Variants in RBFOX1 observed in about 807,000 individuals in gnomAD.
RBFOX1 encodes the protein RNA binding fox-1 homolog 1.
Under a neutral mutation model 57.7 loss-of-function variants are expected in RBFOX1, and 8 were observed. The ratio of observed to expected loss-of-function variants is 0.14; its 90% CI spans 0.08 to 0.25. RBFOX1 has a LOEUF of 0.25. RBFOX1 is among the 10% of genes least tolerant of loss of function. The probability of loss-of-function intolerance (pLI) is 1.00; values close to 1 mark genes in which losing one functional copy is unlikely to be tolerated. For synonymous variants in RBFOX1, 326 were observed against 222.4 expected, an observed-to-expected ratio of 1.47 and a Z score of -4.15; for missense variants, 611 against 548.5, an observed-to-expected ratio of 1.11 and a Z score of -1.14.
intron 1 of RBFOX1, among the ~76,000 whole-genome samples, chr16:5,437,194 G>C (rs143422694): frequency 6.6e-6 from 1 of 152,302 alleles, no homozygotes; most frequent in African/African-American, 2.4e-5. Context: ...AGATATCATA[G>C]GAAAGAAGTG....
rs905144208 is a variant in RBFOX1 at position 7,708,181 on chromosome 16, TAAAAAATC to T, written c.996-872_996-865del. On this transcript the variant is annotated intron_variant, in intron 14 of 15. Transcript: ENST00000550418. Reference sequence around the variant, plus strand: ...TAGCAAGACTTTGTCTCCCCCCTCATAAAAAATCAAGATCTGCCCTGTCTAGTTATGCG... The same window carrying T: ...TAGCAAGACTTTGTCTCCCCCCTCATAAGATCTGCCCTGTCTAGTTATGCG... 2.4e-4 allele frequency among the ~76,000 whole-genome samples: 37 copies of T among 151,828 alleles called. 1 individual carries two copies. The highest frequency in any genetic ancestry group is 4.9e-4 in the Non-Finnish European group (33 of 67,956).
intron 4 of RBFOX1, among the ~76,000 whole-genome samples, chr16:7,244,871 T>G (rs188961040): frequency 8.7e-4 from 133 of 152,314 alleles, no homozygotes; most frequent in African/African-American, 1.2e-3. Context: ...GAGATATTCC[T>G]CTACTGTAAG....
intron 3 of RBFOX1, among the ~76,000 whole-genome samples, chr16:6,997,193 C>T (rs1037811848): frequency 1.3e-5 from 2 of 152,020 alleles, no homozygotes; most frequent in African/African-American, 4.8e-5. Flanking sequence ...CATTTTCCCC[C>T]AATAACTTTA....
At chr16:6,791,772 C>G (rs759327733) in intron 3 of RBFOX1, among the ~76,000 whole-genome samples, 4 of 151,980 alleles carry the variant, frequency 2.6e-5, no homozygotes, top group South Asian at 2.1e-4. Context: ...AAAAAAGCAT[C>G]AAACCAGGTG....
In RBFOX1 at chr16:5,345,296, C is replaced by T. The variant is rs183364165; in HGVS notation, c.219+105191C>T. On this transcript the variant is annotated intron_variant, in intron 1 of 2. Transcript: ENST00000585867. ...ATGTCCAAGTCAGGCCAAGGGGCCC[C>T]TTGGGAAACAGGTGCCATGCCCTTA... Among the ~76,000 whole-genome samples, 31 of 152,322 alleles carry T rather than the reference C, an allele frequency of 2.0e-4. 1 individual carries two copies. In the East Asian group the frequency reaches 4.1e-3, roughly 20 times the overall value.
At chr16:7,025,307 G>C (rs2040558586) in intron 3 of RBFOX1, among the ~76,000 whole-genome samples, 1 of 152,146 alleles carries the variant, frequency 6.6e-6, no homozygotes, top group Admixed American at 6.5e-5. Context: ...ATAGCAGTGA[G>C]GACGACCAGA....
chr16:5,366,915 A>G (rs74667818), intron 1 of RBFOX1, among the ~76,000 whole-genome samples: 5,700 of 152,298 alleles, frequency 0.037, 173 homozygotes, highest in East Asian at 0.099. Flanking sequence ...ATGGAATGTT[A>G]TGACAGGACA....
chr16:6,389,273 A>C (rs1283515004), intron 2 of RBFOX1, among the ~76,000 whole-genome samples: 1 of 152,216 alleles, frequency 6.6e-6, no homozygotes, highest in East Asian at 1.9e-4. Context: ...ATGAAACGAC[A>C]TGCACAGATG....
intron 4 of RBFOX1, among the ~76,000 whole-genome samples, chr16:7,412,424 A>AC (rs1430406853): frequency 1.3e-5 from 2 of 151,714 alleles, no homozygotes; most frequent in Non-Finnish European, 2.9e-5. Flanking sequence ...AAAAAAAAAA[A>AC]AAAAGTTAAT....
intron 3 of RBFOX1, among the ~76,000 whole-genome samples, chr16:6,661,905 C>G (rs2098703832): frequency 1.3e-5 from 2 of 151,924 alleles, no homozygotes; most frequent in Admixed American, 6.5e-5. Flanking sequence ...ATGAGAATAT[C>G]CATTTTAACA....
intron 2 of RBFOX1, among the ~76,000 whole-genome samples, chr16:6,460,299 C>T (rs777868700): frequency 6.6e-6 from 1 of 151,974 alleles, no homozygotes; most frequent in African/African-American, 2.4e-5. Flanking sequence ...TATAAGAACA[C>T]TGGTCATAGT....
chr16:5,243,051 C>T (rs1396455164), intron 1 of RBFOX1, among the ~76,000 whole-genome samples: 2 of 151,922 alleles, frequency 1.3e-5, no homozygotes, highest in Non-Finnish European at 2.9e-5. Flanking sequence ...TCACTGGCTT[C>T]TTGTGTATCC....
intron 2 of RBFOX1, among the ~76,000 whole-genome samples, chr16:6,511,449 G>A (rs1285723633): frequency 6.6e-6 from 1 of 152,114 alleles, no homozygotes; most frequent in African/African-American, 2.4e-5. Context: ...CCTAGGCCCT[G>A]GACTGACATG....
At chr16:7,011,714 C>G (rs1322496421) in intron 3 of RBFOX1, among the ~76,000 whole-genome samples, 1 of 152,074 alleles carries the variant, frequency 6.6e-6, no homozygotes, top group African/African-American at 2.4e-5. Flanking sequence ...GGGAGTTTCA[C>G]CATGTTAGTC....
At chr16:6,239,141 C>T (rs2152922725) in intron 1 of RBFOX1, among the ~76,000 whole-genome samples, 1 of 152,160 alleles carries the variant, frequency 6.6e-6, no homozygotes, top group Non-Finnish European at 1.5e-5. Flanking sequence ...ATACACTGTC[C>T]ACCATCATGT....
intron 13 of RBFOX1, among the ~76,000 whole-genome samples, chr16:7,672,830 G>A (rs1157098473): frequency 1.8e-5 from 2 of 108,670 alleles, no homozygotes; most frequent in Non-Finnish European, 3.3e-5. Flanking sequence ...TTGCGCCATT[G>A]TACTCCAGCC....
chr16:6,140,927 C>T (rs774629380), intron 1 of RBFOX1, among the ~76,000 whole-genome samples: 1 of 152,214 alleles, frequency 6.6e-6, no homozygotes, highest in Non-Finnish European at 1.5e-5. Flanking sequence ...AAGGGACACT[C>T]CAGTGGTCAA....
chr16:5,764,600 C>A (rs926343866), intron 3 of RBFOX1, among the ~76,000 whole-genome samples: 1 of 152,094 alleles, frequency 6.6e-6, no homozygotes, highest in African/African-American at 2.4e-5. Context: ...GAGAAGGGCC[C>A]ATCCCTTGCA....
intron 4 of RBFOX1, among the ~76,000 whole-genome samples, chr16:7,078,548 G>T (rs1035960583): frequency 1.3e-5 from 2 of 151,710 alleles, no homozygotes; most frequent in Non-Finnish European, 2.9e-5. Context: ...GGGTTTTGCC[G>T]TGTTGGCCAG....
Sources: gnomAD v4.1 joint callset for allele counts (sites outside exome capture counted in the v4.1 genomes callset) on GRCh38, gnomAD v4.1.1 for gene constraint, MANE v1.5 for transcripts, NCBI Gene and HGNC (gene_info 2026-07-23, HGNC 2026-07-21) for gene names.